SEC14L1: variants seen among roughly 807,000 people sequenced by gnomAD.
SEC14L1 encodes the protein SEC14 like lipid binding 1, also known as SEC14-like protein 1.
A neutral mutation model predicts 85.3 loss-of-function variants in SEC14L1; 48 were observed. The ratio of observed to expected loss-of-function variants is 0.56; its 90% CI spans 0.45 to 0.72. SEC14L1 has a LOEUF of 0.72. Among genes scored for constraint, SEC14L1 ranks in the 30% least tolerant of loss-of-function variants. The probability of loss-of-function intolerance (pLI) is 0.00; values close to 1 mark genes in which losing one functional copy is unlikely to be tolerated. For synonymous variants in SEC14L1, 391 were observed against 355.5 expected (o/e 1.10, Z -1.12); for missense variants, 682 against 921.4 (o/e 0.74, Z 3.36).
chr17:77,124,693 A>G (rs138674093), intron 3 of SEC14L1, among the ~76,000 whole-genome samples: 1,690 of 152,306 alleles, frequency 0.011, 36 homozygotes, highest in Admixed American at 0.043. Flanking sequence ...CCAGCATTGC[A>G]AAGTTGAGGG....
chr17:77,214,604 C>T lies in SEC14L1; in HGVS notation c.*581C>T, dbSNP rs892851953. On this transcript the variant is annotated 3_prime_UTR_variant, in exon 17 of 17. Coordinates refer to ENST00000436233, the MANE Select transcript of SEC14L1 (RefSeq NM_001143998.2). ...GTACCTTGTCCCAGGGCCAGACACA[C>T]CCACACCACCCACTGTCCTGCAGTG... The T allele has an allele frequency of 2.0e-6, 2 of 986,814 alleles. No individual in the cohort carries two copies. Among genetic ancestry groups the T allele is most frequent in the African/African-American group, 1.7e-5 (1 of 57,250 alleles). The allele number at this position is 986,814 out of a possible 1,614,324, so 61.1% of individuals were successfully genotyped here. A position where few individuals can be genotyped will look rare whatever the true frequency, so the allele number is the denominator to read the frequency against.
At chr17:77,184,623 T>C (rs1268792925) in intron 3 of SEC14L1, among the ~76,000 whole-genome samples, 1 of 152,182 alleles carries the variant, frequency 6.6e-6, no homozygotes, top group Non-Finnish European at 1.5e-5. Context: ...TGCCTCCTGG[T>C]GAGAAACGTT....
At chr17:77,195,653 A>G (rs1366662837) in intron 7 of SEC14L1, among the ~76,000 whole-genome samples, 3 of 151,758 alleles carry the variant, frequency 2.0e-5, no homozygotes, top group Non-Finnish European at 2.9e-5. Context: ...ACGCCTGACT[A>G]ATTTTTATAT....
At chr17:77,107,402 A>G (rs1402258875) in intron 3 of SEC14L1, among the ~76,000 whole-genome samples, 1 of 152,190 alleles carries the variant, frequency 6.6e-6, no homozygotes, top group African/African-American at 2.4e-5. Flanking sequence ...GAAAAGAAAG[A>G]GTCTCCTTCG....
Position 77,213,233 on chromosome 17 carries a change from C to A in SEC14L1, c.1864-81C>A. ...GCTACATGAAATCCTAAAGACAGTC[C>A]CCTTGGCGCTTGTCAGGCCTGTGGT... On this transcript the variant is annotated intron_variant, in intron 15 of 16. Transcript: ENST00000436233. This position sits in a 1 kb window ranked among gnomAD's most constrained non-coding sequence, Gnocchi z 7.1. The A allele has an allele frequency of 8.4e-7, 1 of 1,195,398 alleles. No homozygotes were observed. Among genetic ancestry groups the A allele is most frequent in the South Asian group, 1.5e-5 (1 of 67,252 alleles). 74.0% of individuals were successfully genotyped at this position (1,195,398 alleles called of 1,614,324 possible).
chr17:77,109,361 C>T (rs1003401359), intron 3 of SEC14L1, among the ~76,000 whole-genome samples: 2 of 152,196 alleles, frequency 1.3e-5, no homozygotes, highest in Non-Finnish European at 2.9e-5. Flanking sequence ...GCCTGGGCCT[C>T]CCAAAGTGCT....
At chr17:77,211,691 A>T in intron 14 of SEC14L1, 2 of 514,556 alleles carry the variant, frequency 3.9e-6, no homozygotes, top group South Asian at 4.3e-5. Context: ...GTGTGTGAAG[A>T]TGGTGTATGG....
At chr17:77,189,802 G>T (rs879562803) in intron 3 of SEC14L1, among the ~76,000 whole-genome samples, 55 of 152,106 alleles carry the variant, frequency 3.6e-4, no homozygotes, top group Non-Finnish European at 6.9e-4. Context: ...CTAATTTTTT[G>T]TATCTTTAGT....
intron 3 of SEC14L1, among the ~76,000 whole-genome samples, chr17:77,131,484 G>A (rs868406347): frequency 1.3e-5 from 2 of 152,106 alleles, no homozygotes; most frequent in Non-Finnish European, 1.5e-5. Flanking sequence ...TGGCCAGGCT[G>A]GTCTCAAACT....
At chr17:77,145,281 A>G (rs978461582) in intron 3 of SEC14L1, among the ~76,000 whole-genome samples, 1 of 152,150 alleles carries the variant, frequency 6.6e-6, no homozygotes, top group African/African-American at 2.4e-5. Context: ...GGTGTGAGCC[A>G]CTGTACTTGA....
intron 3 of SEC14L1, among the ~76,000 whole-genome samples, chr17:77,149,436 A>C (rs1035804627): frequency 6.6e-6 from 1 of 152,208 alleles, no homozygotes; most frequent in African/African-American, 2.4e-5. Flanking sequence ...TCTGTAGTGC[A>C]GTTACTTGAG....
chr17:77,213,754 G>A lies in SEC14L1; in HGVS notation c.2043-164G>A, dbSNP rs765093945. The A allele has an allele frequency of 2.1e-6, 2 of 966,838 alleles. No homozygotes were observed. The highest frequency in any genetic ancestry group is 2.7e-5 in the South Asian group (2 of 73,604). 59.9% of individuals were successfully genotyped at this position (966,838 alleles called of 1,614,324 possible). A position where few individuals can be genotyped will look rare whatever the true frequency, so the allele number is the denominator to read the frequency against. On this transcript the variant is annotated intron_variant, in intron 16 of 16. Transcript: ENST00000436233. This position sits in a 1 kb window ranked among gnomAD's most constrained non-coding sequence, Gnocchi z 7.1. ...TCTGCGTGCAGGCTGTGGGAAGCCGGTCCCCCTGGTGGGTTACTCATGTCC... is the reference window on the plus strand; with the variant it reads ...TCTGCGTGCAGGCTGTGGGAAGCCGATCCCCCTGGTGGGTTACTCATGTCC...
chr17:77,136,126 C>A (rs1349431888), upstream of SEC14L1, among the ~76,000 whole-genome samples: 2 of 152,156 alleles, frequency 1.3e-5, no homozygotes, highest in South Asian at 4.2e-4. Context: ...CTGCCCGCCT[C>A]GGCCTCCCAA....
chr17:77,116,203 A>C (rs1173277256), intron 3 of SEC14L1, among the ~76,000 whole-genome samples: 1 of 152,200 alleles, frequency 6.6e-6, no homozygotes, highest in African/African-American at 2.4e-5. Context: ...TATAGGGATG[A>C]GCCACCACAC....
At chr17:77,185,177 T>C in intron 3 of SEC14L1, 1 of 982,426 alleles carries the variant, frequency 1.0e-6, no homozygotes, top group Non-Finnish European at 1.2e-6. Context: ...GTCCTCGTTC[T>C]CCTGAGGATA....
chr17:77,189,391 A>G (rs924399347), intron 3 of SEC14L1, among the ~76,000 whole-genome samples: 5 of 152,138 alleles, frequency 3.3e-5, no homozygotes, highest in Admixed American at 2.0e-4. Flanking sequence ...AAAGTCAGAT[A>G]AACAACTTAC....
At chr17:77,140,875 C>G (rs1256541888), upstream of SEC14L1, 1 of 151,632 alleles carries the variant, frequency 6.6e-6, no homozygotes, top group Non-Finnish European at 1.5e-5. Context: ...CTCCCTCGGC[C>G]GCGGCCGCGC....
At chr17:77,108,320 C>A (rs1015719192) in intron 3 of SEC14L1, among the ~76,000 whole-genome samples, 2 of 152,188 alleles carry the variant, frequency 1.3e-5, no homozygotes, top group African/African-American at 4.8e-5. Flanking sequence ...GAAGCCCTTG[C>A]TACAGACCTG....
intron 3 of SEC14L1, among the ~76,000 whole-genome samples, chr17:77,108,283 T>C (rs117943881): frequency 0.012 from 1,811 of 152,224 alleles, 39 homozygotes; most frequent in Admixed American, 0.043. Context: ...TTAAACGTGG[T>C]CGTCATAACC....
Sources: gnomAD v4.1 joint callset for allele counts (sites outside exome capture counted in the v4.1 genomes callset) on GRCh38, gnomAD v4.1.1 for gene constraint, Gnocchi (gnomAD v3.1) non-coding constraint, MANE v1.5 for transcripts, NCBI Gene and HGNC (gene_info 2026-07-23, HGNC 2026-07-21) for gene names.